The following DOCK5 variants were observed in gnomAD, a reference collection of about 807,000 sequenced individuals.
DOCK5 encodes dedicator of cytokinesis 5, also known as dedicator of cytokinesis protein 5.
In DOCK5, 142 loss-of-function variants were observed where a neutral mutation model predicts 251.8. That is an observed-to-expected ratio of 0.56 (90% CI 0.49 to 0.65). DOCK5 has a LOEUF of 0.65. Ranked by LOEUF, DOCK5 falls within the 30% of genes least tolerant of loss-of-function variation. The pLI, the probability that DOCK5 is intolerant of heterozygous loss-of-function variation, is 0.00. For synonymous variants in DOCK5, 842 were observed against 835.5 expected (o/e 1.01, Z -0.13); for missense variants, 2,111 against 2,312.3 (o/e 0.91, Z 1.79).
intron 2 of DOCK5, among the ~76,000 whole-genome samples, chr8:25,249,146 A>G (rs113588828): frequency 1.8e-3 from 272 of 152,152 alleles, no homozygotes; most frequent in African/African-American, 6.3e-3. Flanking sequence ...CTACTGGTAC[A>G]TGCCACCATG....
At chr8:25,384,545 C>T (rs899034897) in intron 40 of DOCK5, among the ~76,000 whole-genome samples, 11 of 150,754 alleles carry the variant, frequency 7.3e-5, no homozygotes, top group South Asian at 2.1e-4. Context: ...CTGCAACCTC[C>T]GTCTTCTGGG....
chr8:25,335,663 C>T (rs1369893816), intron 21 of DOCK5, among the ~76,000 whole-genome samples: 1 of 152,044 alleles, frequency 6.6e-6, no homozygotes, highest in Non-Finnish European at 1.5e-5. Flanking sequence ...AAATGAAGAC[C>T]ATTCCTAGCC....
intron 5 of DOCK5, among the ~76,000 whole-genome samples, chr8:25,280,099 C>T (rs1004206912): frequency 6.6e-6 from 1 of 152,160 alleles, no homozygotes; most frequent in East Asian, 1.9e-4. Flanking sequence ...TGCTTCTTTG[C>T]CTATAGCCCT....
At chr8:25,354,036 AAAAAAAAAAAAACAAAC>A (rs1254352102) in intron 27 of DOCK5, among the ~76,000 whole-genome samples, 2 of 28,700 alleles carry the variant, frequency 7.0e-5, no homozygotes, top group African/African-American at 1.1e-4. Flanking sequence ...TTAAAAAAAA[AAAAAAAAAAAAACAAAC>A]AAAAAAAAAA....
chr8:25,342,366 C>T (rs1428283058), intron 24 of DOCK5, 35 bp from the exon 25 acceptor site: 18 of 1,512,890 alleles, frequency 1.2e-5, no homozygotes, highest in South Asian at 2.4e-5. Flanking sequence ...TTTGGCAGAA[C>T]GAAGACACTA....
chr8:25,268,274 A>G (rs375091911), intron 2 of DOCK5, among the ~76,000 whole-genome samples: 1 of 152,144 alleles, frequency 6.6e-6, no homozygotes, highest in South Asian at 2.1e-4. Flanking sequence ...CAAGAATTGC[A>G]CGTAATTTTG....
chr8:25,334,713 A>T (rs919676496), intron 21 of DOCK5, among the ~76,000 whole-genome samples: 7 of 137,848 alleles, frequency 5.1e-5, no homozygotes, highest in Non-Finnish European at 1.1e-4. Context: ...CTTAGTATCT[A>T]AAAAAAAAAA....
chr8:25,313,818 C>G (rs532522353), intron 13 of DOCK5, among the ~76,000 whole-genome samples: 71 of 152,310 alleles, frequency 4.7e-4, no homozygotes, highest in African/African-American at 1.7e-3. Context: ...TTAGGGCCCA[C>G]CTATATGACC....
At chr8:25,282,525 C>A (rs977413505) in intron 5 of DOCK5, among the ~76,000 whole-genome samples, 2 of 152,014 alleles carry the variant, frequency 1.3e-5, no homozygotes, top group Non-Finnish European at 2.9e-5. Flanking sequence ...CTTGCATTTC[C>A]CCCTGTAGAT....
At chr8:25,203,423 T>G (rs1801926041) in intron 1 of DOCK5, among the ~76,000 whole-genome samples, 1 of 152,182 alleles carries the variant, frequency 6.6e-6, no homozygotes, top group Non-Finnish European at 1.5e-5. Flanking sequence ...AATTCAGAAA[T>G]AGTTTGAGGC....
At chr8:25,282,606 C>G (rs1804226215) in intron 5 of DOCK5, among the ~76,000 whole-genome samples, 1 of 152,068 alleles carries the variant, frequency 6.6e-6, no homozygotes, top group Admixed American at 6.5e-5. Context: ...CGCCTGTAAT[C>G]CCATCCCTTT....
intron 36 of DOCK5, 118 bp from the exon 37 acceptor site, chr8:25,374,446 G>C: frequency 2.1e-6 from 2 of 952,122 alleles, no homozygotes; most frequent in Non-Finnish European, 3.1e-6. Context: ...AGTGAGCCAT[G>C]ATCGGACCAC....
intron 13 of DOCK5, among the ~76,000 whole-genome samples, chr8:25,311,060 G>T (rs1339584776): frequency 2.0e-5 from 3 of 152,074 alleles, no homozygotes; most frequent in African/African-American, 7.2e-5. Context: ...CCCTGTTCTT[G>T]TTGTGACAAG....
chr8:25,337,785 A>T (rs1586341188), intron 22 of DOCK5, among the ~76,000 whole-genome samples: 1 of 151,492 alleles, frequency 6.6e-6, no homozygotes, highest in Admixed American at 6.6e-5. Flanking sequence ...ATGGGGTTTG[A>T]CATGTTAGCC....
chr8:25,253,396 T>C (rs1803327191), intron 2 of DOCK5, among the ~76,000 whole-genome samples: 1 of 152,144 alleles, frequency 6.6e-6, no homozygotes, highest in Non-Finnish European at 1.5e-5. Context: ...TTGGATCAAG[T>C]GGTTGAAATG....
At chr8:25,404,370 A>G (rs985635359) in intron 48 of DOCK5, among the ~76,000 whole-genome samples, 1 of 152,176 alleles carries the variant, frequency 6.6e-6, no homozygotes, top group Non-Finnish European at 1.5e-5. Context: ...TGTATGTGGC[A>G]TGATACAGAT....
intron 2 of DOCK5, among the ~76,000 whole-genome samples, chr8:25,259,077 G>C (rs974952377): frequency 1.3e-5 from 2 of 152,200 alleles, no homozygotes; most frequent in Non-Finnish European, 2.9e-5. Flanking sequence ...GTGAAATCAT[G>C]CCACTGTACG....
chr8:25,356,930 T>C lies in DOCK5; in HGVS notation c.2851-2033T>C, dbSNP rs555447303. Among the ~76,000 whole-genome samples the C allele has an allele frequency of 4.4e-4, 49 of 111,848 alleles. 1 individual carries two copies. In the East Asian group the frequency reaches 8.6e-3, roughly 20 times the overall value. 73.4% of individuals were successfully genotyped at this position (111,848 alleles called of 152,430 possible). ...GATTATATATATATATATATATATATATATATATATATATATGCAAATTAA... is the reference window on the plus strand; with the variant it reads ...GATTATATATATATATATATATATACATATATATATATATATGCAAATTAA... On this transcript the variant is annotated intron_variant, in intron 27 of 51. Coordinates refer to ENST00000276440, the MANE Select transcript of DOCK5 (RefSeq NM_024940.8).
At chr8:25,271,893 A>C (rs986274838) in intron 3 of DOCK5, among the ~76,000 whole-genome samples, 1 of 152,212 alleles carries the variant, frequency 6.6e-6, no homozygotes, top group African/African-American at 2.4e-5. Context: ...GAGCAATTCT[A>C]TGACTGTAAA....
Sources: allele counts gnomAD v4.1 joint callset (sites outside exome capture counted in the v4.1 genomes callset), GRCh38; gene constraint gnomAD v4.1.1; transcripts MANE v1.5; gene names NCBI Gene and HGNC (gene_info 2026-07-23, HGNC 2026-07-21).